RORB: variants seen among roughly 807,000 people sequenced by gnomAD.
RORB encodes RAR related orphan receptor B, also known as nuclear receptor ROR-beta.
RORB carries 6 observed loss-of-function variants against 59.1 expected under a neutral mutation model. The observed-to-expected ratio is 0.10, with a 90% confidence interval of 0.06 to 0.20. The LOEUF (loss-of-function observed/expected upper bound fraction) is 0.20, where lower values mean the gene tolerates loss of function less well. RORB is among the 10% of genes least tolerant of loss of function. The pLI is 1.00. For missense variants in RORB, 320 were observed against 560.5 expected (o/e 0.57, Z 4.33); for synonymous variants, 215 against 204.5 (o/e 1.05, Z -0.44).
chr9:74,548,892 G>A (rs539557593), intron 1 of RORB, among the ~76,000 whole-genome samples: 6 of 152,014 alleles, frequency 3.9e-5, no homozygotes, highest in Admixed American at 1.3e-4. Flanking sequence ...ATGGTGATCC[G>A]TAATATGGAT....
intron 1 of RORB, among the ~76,000 whole-genome samples, chr9:74,588,506 T>C (rs564050371): frequency 5.9e-5 from 9 of 152,334 alleles, no homozygotes; most frequent in African/African-American, 2.2e-4. Flanking sequence ...AAGCTATTGA[T>C]GGAAATAAGT....
intron 8 of RORB, among the ~76,000 whole-genome samples, 190 bp downstream of exon 8, chr9:74,668,091 GC>G (rs1304245205): frequency 2.6e-5 from 4 of 152,240 alleles, no homozygotes. Flanking sequence ...ACCAATTTTG[GC>G]CCGAAAGCAA....
chr9:74,595,664 T>C (rs1485790096), intron 1 of RORB, among the ~76,000 whole-genome samples: 2 of 152,220 alleles, frequency 1.3e-5, no homozygotes, highest in Admixed American at 1.3e-4. Flanking sequence ...TTTACCACTT[T>C]CTGTGTCACC....
chr9:74,618,285 G>A (rs1436965342), intron 1 of RORB, among the ~76,000 whole-genome samples: 1 of 147,218 alleles, frequency 6.8e-6, no homozygotes, highest in Non-Finnish European at 1.5e-5. Flanking sequence ...AACAATACAG[G>A]CAAATTGTTA....
intron 1 of RORB, among the ~76,000 whole-genome samples, chr9:74,608,303 C>T (rs913658641): frequency 5.3e-5 from 8 of 152,002 alleles, no homozygotes; most frequent in African/African-American, 1.7e-4. Context: ...CGGTGGCTCA[C>T]GCCTGTAATC....
Position 74,692,198 on chromosome 9 carries a change from G to A in RORB, c.*6580G>A, listed in dbSNP as rs904069905. 3 of 152,300 alleles carry A rather than the reference G, an allele frequency of 2.0e-5. No homozygotes were observed. The highest frequency in any genetic ancestry group is 7.2e-5 in the African/African-American group (3 of 41,572). The allele number at this position is 152,300 out of a possible 1,614,324, so 9.4% of individuals were successfully genotyped here. On this transcript the variant is annotated 3_prime_UTR_variant, in exon 10 of 10. Coordinates refer to ENST00000376896, the MANE Select transcript of RORB (RefSeq NM_006914.4). ...GGGGAGGGTTGGGGAGAGACTGAGA[G>A]GGAGGAAAATCCAAGGTGTCATGAG...
intron 2 of RORB, among the ~76,000 whole-genome samples, chr9:74,634,046 C>T (rs1352271692): frequency 6.8e-6 from 1 of 147,286 alleles, no homozygotes; most frequent in African/African-American, 2.5e-5. Flanking sequence ...TGAACTCTAG[C>T]GTGAACAGCA....
At chr9:74,675,255 G>A (rs1230580065) in intron 9 of RORB, among the ~76,000 whole-genome samples, 1 of 150,242 alleles carries the variant, frequency 6.7e-6, no homozygotes. Context: ...CTGGATTTGA[G>A]AAGCCAGGAA....
intron 1 of RORB, among the ~76,000 whole-genome samples, chr9:74,555,895 C>T (rs1197950696): frequency 6.6e-6 from 1 of 152,220 alleles, no homozygotes; most frequent in South Asian, 2.1e-4. Context: ...AGAGAAGTCA[C>T]TTCTCAAGTT....
intron 3 of RORB, among the ~76,000 whole-genome samples, chr9:74,640,160 A>G (rs1489720819): frequency 1.3e-5 from 2 of 152,204 alleles, no homozygotes; most frequent in African/African-American, 4.8e-5. Flanking sequence ...AAAAATTACT[A>G]GATAATTATC....
At chr9:74,597,819 A>T (rs1433313622) in intron 1 of RORB, among the ~76,000 whole-genome samples, 2 of 151,976 alleles carry the variant, frequency 1.3e-5, no homozygotes, top group African/African-American at 4.8e-5. Context: ...TTAGCTGGGC[A>T]TGGGGGCAGG....
At position 74,628,751 on chromosome 9, in the gene RORB, A is replaced by C. The variant is rs559954130; in HGVS notation, c.8-1531A>C. 4.6e-4 allele frequency among the ~76,000 whole-genome samples: 70 copies of C among 152,326 alleles called. 1 individual carries two copies. Among genetic ancestry groups the C allele is most frequent in the African/African-American group, 1.6e-3 (67 of 41,568 alleles). Reference sequence around the variant, plus strand: ...CGCATTTTGAAGTATATTTTGCATAATTATTTTAAATTGTAAGAGGAAATA... The same window carrying C: ...CGCATTTTGAAGTATATTTTGCATACTTATTTTAAATTGTAAGAGGAAATA... On this transcript the variant is annotated intron_variant, in intron 1 of 9. Transcript: ENST00000376896.
At chr9:74,661,305 T>G (rs1023481372) in intron 5 of RORB, among the ~76,000 whole-genome samples, 1 of 152,202 alleles carries the variant, frequency 6.6e-6, no homozygotes, top group African/African-American at 2.4e-5. Context: ...GTATTTACAT[T>G]ACATTACTTT....
At chr9:74,639,251 G>C (rs1451117958) in intron 3 of RORB, among the ~76,000 whole-genome samples, 1 of 152,184 alleles carries the variant, frequency 6.6e-6, no homozygotes, top group African/African-American at 2.4e-5. Flanking sequence ...TCATGGTGAG[G>C]TGCACAATCA....
At chr9:74,673,845 C>T (rs1210036678) in intron 9 of RORB, among the ~76,000 whole-genome samples, 1 of 152,138 alleles carries the variant, frequency 6.6e-6, no homozygotes, top group Admixed American at 6.5e-5. Context: ...CTTCTATAGG[C>T]CACAGGCAGA....
At chr9:74,598,917 G>A (rs1407400806) in intron 1 of RORB, among the ~76,000 whole-genome samples, 6 of 152,306 alleles carry the variant, frequency 3.9e-5, no homozygotes, top group African/African-American at 1.4e-4. Context: ...CATGCAAAGA[G>A]AGGACCAAAC....
chr9:74,688,873 T>C lies in RORB; in HGVS notation c.*3255T>C, dbSNP rs1455274110. The C allele has an allele frequency of 6.6e-6, 1 of 152,174 alleles. No homozygotes were observed. Among genetic ancestry groups the C allele is most frequent in the African/African-American group, 2.4e-5 (1 of 41,438 alleles). 9.4% of individuals were successfully genotyped at this position (152,174 alleles called of 1,614,324 possible). A position where few individuals can be genotyped will look rare whatever the true frequency, so the allele number is the denominator to read the frequency against. ...TATCTCCCTGCAAATCCAAACTTTC[T>C]ATACAAATCCTGAACAAGGAAAATA... On this transcript the variant is annotated 3_prime_UTR_variant, in exon 10 of 10. Coordinates refer to ENST00000376896, the MANE Select transcript of RORB (RefSeq NM_006914.4).
intron 8 of RORB, among the ~76,000 whole-genome samples, chr9:74,670,682 A>C (rs774195816): frequency 6.6e-6 from 1 of 152,128 alleles, no homozygotes; most frequent in African/African-American, 2.4e-5. Context: ...TTTCCAGCCT[A>C]TGTAGGCTCC....
chr9:74,585,674 A>C (rs1822787371), intron 1 of RORB, among the ~76,000 whole-genome samples: 1 of 152,146 alleles, frequency 6.6e-6, no homozygotes, highest in Non-Finnish European at 1.5e-5. Flanking sequence ...CTCCGCTATA[A>C]AAAGCTATTC....
Sources: gnomAD v4.1 joint callset for allele counts (sites outside exome capture counted in the v4.1 genomes callset) on GRCh38, gnomAD v4.1.1 for gene constraint, MANE v1.5 for transcripts, NCBI Gene and HGNC (gene_info 2026-07-23, HGNC 2026-07-21) for gene names.